MED12L: variants seen among roughly 807,000 people sequenced by gnomAD.
MED12L encodes mediator complex subunit 12L, also known as mediator of RNA polymerase II transcription subunit 12-like protein.
A neutral mutation model predicts 281.3 loss-of-function variants in MED12L; 60 were observed. The ratio of observed to expected loss-of-function variants is 0.21; its 90% CI spans 0.17 to 0.26. The LOEUF (loss-of-function observed/expected upper bound fraction) is 0.26, where lower values mean the gene tolerates loss of function less well. MED12L is among the 10% of genes least tolerant of loss of function. MED12L has a pLI of 1.00. For synonymous variants in MED12L, 974 were observed against 987.2 expected (o/e 0.99, Z 0.25); for missense variants, 2,146 against 2,680.9 (o/e 0.80, Z 4.41).
intron 43 of MED12L, 47 bp from the exon 44 acceptor site, chr3:151,430,252 T>A (rs1482212835): frequency 6.2e-7 from 1 of 1,612,224 alleles, no homozygotes; most frequent in Non-Finnish European, 8.5e-7. Flanking sequence ...TTGTCTGTGA[T>A]TGGCACCATG....
chr3:151,246,120 A>G (rs1735401266), intron 16 of MED12L, among the ~76,000 whole-genome samples: 1 of 152,152 alleles, frequency 6.6e-6, no homozygotes, highest in South Asian at 2.1e-4. Flanking sequence ...GAAATAAAAG[A>G]GGATACAAAC....
Position 151,436,613 on chromosome 3 carries a change from G to A in MED12L, c.*3809G>A. On this transcript the variant is annotated 3_prime_UTR_variant, in exon 45 of 45. Coordinates refer to ENST00000687756, the MANE Select transcript of MED12L (RefSeq NM_001393769.1). ...TAAATGTATTCAAATTCATTTACAT[G>A]CCTATGGCTGCCTTTGATTAAACTT... is the stretch of plus-strand genomic sequence containing the variant. 1.0e-6 allele frequency: 1 copy of A among 966,474 alleles called. No individual in the cohort carries two copies. Among genetic ancestry groups the A allele is most frequent in the Non-Finnish European group, 1.6e-6 (1 of 636,524 alleles). 59.9% of individuals were successfully genotyped at this position (966,474 alleles called of 1,614,324 possible). A position where few individuals can be genotyped will look rare whatever the true frequency, so the allele number is the denominator to read the frequency against.
chr3:151,379,492 C>G (rs1209898633), intron 31 of MED12L, among the ~76,000 whole-genome samples: 2 of 152,348 alleles, frequency 1.3e-5, no homozygotes, highest in Admixed American at 6.5e-5. Flanking sequence ...CTTGACACCT[C>G]TTTACCAGTG....
intron 16 of MED12L, among the ~76,000 whole-genome samples, chr3:151,347,863 A>G (rs893751995): frequency 1.3e-5 from 2 of 152,208 alleles, no homozygotes; most frequent in African/African-American, 4.8e-5. Context: ...AAGGTTTATT[A>G]TTCGAGATCA....
rs545893723 is a variant in MED12L, at chr3:151,422,859, A to AT, written c.6408+6445dup. ...TTTGAAAAGAAGAAATTGAATGTTA[A>AT]TTTTTTTTAGAGTTAGAATTCAAGT... On this transcript the variant is annotated intron_variant, in intron 43 of 44. Coordinates refer to ENST00000687756, the MANE Select transcript of MED12L (RefSeq NM_001393769.1). Among the ~76,000 whole-genome samples, 664 of 145,218 alleles carry AT rather than the reference A, an allele frequency of 4.6e-3. 5 individuals carry two copies. Among genetic ancestry groups the AT allele is most frequent in the Non-Finnish European group, 8.1e-3 (535 of 66,428 alleles).
chr3:151,397,703 G>T (rs1003959017), intron 39 of MED12L, among the ~76,000 whole-genome samples: 4 of 152,140 alleles, frequency 2.6e-5, no homozygotes, highest in Admixed American at 2.0e-4. Context: ...ATGGCAGGAA[G>T]ATTTTCTCAG....
At position 151,086,811 on chromosome 3, in the gene MED12L, G is replaced by A. The variant is rs1234151676; in HGVS notation, c.-116G>A. 2 of 771,666 alleles carry A rather than the reference G, an allele frequency of 2.6e-6. No homozygotes were observed. Among genetic ancestry groups the A allele is most frequent in the East Asian group, 5.9e-5 (2 of 34,094 alleles). The allele number at this position is 771,666 out of a possible 1,614,324, so 47.8% of individuals were successfully genotyped here. On this transcript the variant is annotated 5_prime_UTR_variant, in exon 2 of 45. Transcript: ENST00000687756. Reference sequence around the variant, plus strand: ...TCCTGCCTGCAGCGCCACAGCGAGCGAGCGAGCGAGGAGGGGGAGAGAGGG... The same window carrying A: ...TCCTGCCTGCAGCGCCACAGCGAGCAAGCGAGCGAGGAGGGGGAGAGAGGG...
Position 151,154,748 on chromosome 3 carries a change from C to T in MED12L, c.557-1413C>T, listed in dbSNP as rs577672166. Among the ~76,000 whole-genome samples the T allele has an allele frequency of 5.3e-5, 8 of 152,232 alleles. No individual in the cohort carries two copies. The South Asian group carries it at 1.5e-3, about 28-fold the overall frequency. ...TTGTCTCATCTGATGGTTGGTATTT[C>T]GTTTTGTTGAACAAGTGAGTGTCAT... On this transcript the variant is annotated intron_variant, in intron 5 of 44. Transcript: ENST00000687756.
intron 33 of MED12L, 138 bp downstream of exon 33, chr3:151,382,883 C>G: frequency 3.2e-6 from 2 of 623,772 alleles, no homozygotes; most frequent in Non-Finnish European, 5.6e-6. Context: ...TAATTACTTC[C>G]CTGTTTCTAA....
chr3:151,196,627 A>G (rs930573132), intron 16 of MED12L, among the ~76,000 whole-genome samples: 1 of 152,218 alleles, frequency 6.6e-6, no homozygotes, highest in African/African-American at 2.4e-5. Context: ...CACAGGTTCT[A>G]GTGGATAGGC....
At chr3:151,340,520 A>G (rs1193257280) in intron 16 of MED12L, 1 of 152,740 alleles carries the variant, frequency 6.5e-6, no homozygotes, top group African/African-American at 2.4e-5. Flanking sequence ...ATTTTAAGAG[A>G]AACTTGGAAA....
In MED12L at chr3:151,329,497, A is replaced by T. The variant is rs2149873654; in HGVS notation, c.2251-20562A>T. 2 of 1,546,774 alleles carry T rather than the reference A, an allele frequency of 1.3e-6. No individual in the cohort carries two copies. The highest frequency in any genetic ancestry group is 2.4e-5 in the South Asian group (2 of 83,816). On this transcript the variant is annotated intron_variant, in intron 16 of 44. Coordinates refer to ENST00000687756, the MANE Select transcript of MED12L (RefSeq NM_001393769.1). Reference sequence around the variant, plus strand: ...GAAATTCACCTTTGGGAGGATACTCAGTTCTCTCTGTCTTCTTATGGCGGC... The same window carrying T: ...GAAATTCACCTTTGGGAGGATACTCTGTTCTCTCTGTCTTCTTATGGCGGC...
At chr3:151,174,663 C>T (rs2149025589) in intron 11 of MED12L, among the ~76,000 whole-genome samples, 1 of 152,270 alleles carries the variant, frequency 6.6e-6, no homozygotes, top group Non-Finnish European at 1.5e-5. Context: ...AAATCAGCCA[C>T]CTCAAATATC....
At chr3:151,399,808 A>C (rs1715436603) in intron 39 of MED12L, among the ~76,000 whole-genome samples, 1 of 151,562 alleles carries the variant, frequency 6.6e-6, no homozygotes, top group African/African-American at 2.4e-5. Context: ...TTGCAGAAGG[A>C]ATCTTAAGGA....
chr3:151,234,401 G>A (rs550685265), intron 16 of MED12L, among the ~76,000 whole-genome samples: 40 of 152,350 alleles, frequency 2.6e-4, no homozygotes, highest in Non-Finnish European at 4.9e-4. Context: ...GTAGAGCTGA[G>A]ATTTGAATCG....
At position 151,435,316 on chromosome 3, in the gene MED12L, T is replaced by C. The variant is rs1210015319; in HGVS notation, c.*2512T>C. 1 of 150,790 alleles carries C rather than the reference T, an allele frequency of 6.6e-6. No homozygotes were observed. Among genetic ancestry groups the C allele is most frequent in the Non-Finnish European group, 1.5e-5 (1 of 67,944 alleles). The allele number at this position is 150,790 out of a possible 1,614,324, so 9.3% of individuals were successfully genotyped here. Reference sequence around the variant, plus strand: ...ACTCTCTTGTTTACACTGTAGGCTTTTTCTTAATAGGGTTGCATTTGTCAG... The same window carrying C: ...ACTCTCTTGTTTACACTGTAGGCTTCTTCTTAATAGGGTTGCATTTGTCAG... On this transcript the variant is annotated 3_prime_UTR_variant, in exon 45 of 45. Coordinates refer to ENST00000687756, the MANE Select transcript of MED12L (RefSeq NM_001393769.1).
At chr3:151,101,225 A>T (rs1560045607) in intron 2 of MED12L, among the ~76,000 whole-genome samples, 1 of 152,234 alleles carries the variant, frequency 6.6e-6, no homozygotes, top group Non-Finnish European at 1.5e-5. Flanking sequence ...TTATTTGAAA[A>T]TTGAAGAATA....
At chr3:151,285,054 A>C (rs888379471) in intron 16 of MED12L, among the ~76,000 whole-genome samples, 3 of 152,220 alleles carry the variant, frequency 2.0e-5, no homozygotes, top group African/African-American at 7.2e-5. Flanking sequence ...AAAGAAACAA[A>C]ATAATGGCAT....
intron 3 of MED12L, among the ~76,000 whole-genome samples, 167 bp from the exon 4 acceptor site, chr3:151,122,616 T>A (rs749328088): frequency 6.6e-6 from 1 of 152,192 alleles, no homozygotes; most frequent in Non-Finnish European, 1.5e-5. Context: ...TCAGAGTTAG[T>A]GTAAGGAAAT....
Sources: gnomAD v4.1 joint callset for allele counts (sites outside exome capture counted in the v4.1 genomes callset) on GRCh38, gnomAD v4.1.1 for gene constraint, MANE v1.5 for transcripts, NCBI Gene and HGNC (gene_info 2026-07-23, HGNC 2026-07-21) for gene names.